Variants in GLCCI1 observed in about 807,000 individuals in gnomAD.
The protein encoded by GLCCI1 is glucocorticoid induced 1.
GLCCI1 carries 24 observed loss-of-function variants against 52.2 expected under a neutral mutation model. That is an observed-to-expected ratio of 0.46 (90% CI 0.33 to 0.65). The LOEUF is 0.65. Among genes scored for constraint, GLCCI1 ranks in the 30% least tolerant of loss-of-function variants. The probability of loss-of-function intolerance (pLI) is 0.02; values close to 1 mark genes in which losing one functional copy is unlikely to be tolerated. For synonymous variants in GLCCI1, 310 were observed against 276.5 expected (o/e 1.12, Z -1.20); for missense variants, 704 against 701.5 (o/e 1.00, Z -0.04).
At chr7:8,051,957 G>A (rs1782267443) in intron 3 of GLCCI1, among the ~76,000 whole-genome samples, 1 of 152,128 alleles carries the variant, frequency 6.6e-6, no homozygotes, top group Non-Finnish European at 1.5e-5. Flanking sequence ...TTTCAAAGAT[G>A]AAAAGAATTA....
At chr7:8,029,103 A>G (rs1243792480) in intron 3 of GLCCI1, among the ~76,000 whole-genome samples, 2 of 152,202 alleles carry the variant, frequency 1.3e-5, no homozygotes, top group African/African-American at 2.4e-5. Context: ...TCATTCTACA[A>G]GACTAGTATT....
At chr7:8,024,963 G>C (rs1287448049) in intron 3 of GLCCI1, 2 of 152,222 alleles carry the variant, frequency 1.3e-5, no homozygotes, top group African/African-American at 4.8e-5. Flanking sequence ...GAGAATTGTA[G>C]GTTAAAATAG....
chr7:8,066,080 C>G (rs1782624868), intron 5 of GLCCI1, among the ~76,000 whole-genome samples: 1 of 152,106 alleles, frequency 6.6e-6, no homozygotes, highest in Non-Finnish European at 1.5e-5. Flanking sequence ...ATTTCAGAAC[C>G]ATTATTGTTC....
At chr7:7,980,635 G>C in intron 1 of GLCCI1, 1 of 807,332 alleles carries the variant, frequency 1.2e-6, no homozygotes, top group Non-Finnish European at 2.1e-6. Flanking sequence ...TTTTGAGACA[G>C]AAAACGTCCC....
At chr7:8,070,708 T>G in intron 5 of GLCCI1, 1 of 516,608 alleles carries the variant, frequency 1.9e-6, no homozygotes, top group Non-Finnish European at 3.5e-6. Flanking sequence ...TATGGAATTT[T>G]TAAGGCAAAC....
At chr7:7,976,581 G>T (rs1780478388) in intron 1 of GLCCI1, among the ~76,000 whole-genome samples, 1 of 150,952 alleles carries the variant, frequency 6.6e-6, no homozygotes, top group African/African-American at 2.4e-5. Context: ...GTGTGGCAAG[G>T]TCAGTGTCCA....
At chr7:8,007,588 G>A (rs1228102993) in intron 2 of GLCCI1, among the ~76,000 whole-genome samples, 5 of 152,190 alleles carry the variant, frequency 3.3e-5, no homozygotes, top group South Asian at 4.1e-4. Context: ...GGCGACATCC[G>A]TTTCTCCTGG....
intron 4 of GLCCI1, 94 bp from the exon 5 acceptor site, chr7:8,060,002 T>C: frequency 9.5e-7 from 1 of 1,049,696 alleles, no homozygotes; most frequent in Non-Finnish European, 1.4e-6. Flanking sequence ...ATAACTCCGT[T>C]CATTGAGTTT....
intron 3 of GLCCI1, among the ~76,000 whole-genome samples, chr7:8,039,946 G>A (rs1357591000): frequency 1.3e-5 from 2 of 148,586 alleles, no homozygotes; most frequent in Non-Finnish European, 3.0e-5. Flanking sequence ...GCAGTGAGCC[G>A]AGATCATGCC....
Position 8,087,995 on chromosome 7 carries a change from T to G in GLCCI1, c.*1457T>G, listed in dbSNP as rs1783154312. 1 of 152,292 alleles carries G rather than the reference T, an allele frequency of 6.6e-6. No homozygotes were observed. The highest frequency in any genetic ancestry group is 2.4e-5 in the African/African-American group (1 of 41,458). The allele number at this position is 152,292 out of a possible 1,614,324, so 9.4% of individuals were successfully genotyped here. A position where few individuals can be genotyped will look rare whatever the true frequency, so the allele number is the denominator to read the frequency against. On this transcript the variant is annotated 3_prime_UTR_variant, in exon 8 of 8. Coordinates refer to ENST00000223145, the MANE Select transcript of GLCCI1 (RefSeq NM_138426.4). The stretch of plus-strand genomic sequence containing the variant: ...AAAGAGTATCCAAAAGCTAAGTTTT[T>G]GTATTCCACTACTTTCAGTTCAATA...
rs747042962 is a variant in GLCCI1 at position 8,086,179 on chromosome 7, T to C, written c.1299-14T>C. On this transcript the variant is annotated splice_polypyrimidine_tract_variant and intron_variant, in intron 7 of 7. Coordinates refer to ENST00000223145, the MANE Select transcript of GLCCI1 (RefSeq NM_138426.4). This position sits in a 1 kb window ranked among gnomAD's most constrained non-coding sequence, Gnocchi z 4.4. ...GTTCATGATTATAAATCTAATTTTG[T>C]TTTATGGTTTTAGGTCTCGTCAGCC... 128 of 1,574,388 alleles carry C rather than the reference T, an allele frequency of 8.1e-5. No homozygotes were observed. In the Admixed American group the frequency reaches 2.5e-3, roughly 30 times the overall value.
At chr7:8,068,400 T>C (rs1782680592) in intron 5 of GLCCI1, among the ~76,000 whole-genome samples, 1 of 152,214 alleles carries the variant, frequency 6.6e-6, no homozygotes. Context: ...GTCTTCAAGC[T>C]CTGAGATTCT....
At chr7:7,974,524 A>C (rs1249065494) in intron 1 of GLCCI1, among the ~76,000 whole-genome samples, 1 of 152,164 alleles carries the variant, frequency 6.6e-6, no homozygotes, top group Non-Finnish European at 1.5e-5. Context: ...TTGAAGGATA[A>C]TGGCGTCCTT....
intron 3 of GLCCI1, among the ~76,000 whole-genome samples, chr7:8,043,138 T>C (rs924223523): frequency 6.6e-6 from 1 of 152,228 alleles, no homozygotes; most frequent in Non-Finnish European, 1.5e-5. Flanking sequence ...AATTAAGGTA[T>C]GTATATTGTT....
chr7:8,006,929 C>G (rs141348044), intron 2 of GLCCI1, among the ~76,000 whole-genome samples: 1 of 152,164 alleles, frequency 6.6e-6, no homozygotes, highest in Non-Finnish European at 1.5e-5. Flanking sequence ...AAAGCAAGAA[C>G]CAGGGAATGG....
intron 3 of GLCCI1, among the ~76,000 whole-genome samples, chr7:8,036,823 G>A (rs1164385688): frequency 6.6e-6 from 1 of 152,082 alleles, no homozygotes; most frequent in African/African-American, 2.4e-5. Flanking sequence ...CATGAAGACA[G>A]GTCCTGCAAG....
intron 1 of GLCCI1, among the ~76,000 whole-genome samples, chr7:7,991,137 C>T (rs1583951638): frequency 6.6e-6 from 1 of 152,158 alleles, no homozygotes; most frequent in East Asian, 1.9e-4. Flanking sequence ...TAGGCCTTTC[C>T]CCTTCATCTC....
intron 3 of GLCCI1, among the ~76,000 whole-genome samples, chr7:8,046,209 A>G (rs1461246691): frequency 1.3e-5 from 2 of 152,316 alleles, no homozygotes; most frequent in African/African-American, 4.8e-5. Context: ...CACGTAGAAC[A>G]TAGAACAAAG....
chr7:8,079,643 C>T (rs939820103), intron 6 of GLCCI1, among the ~76,000 whole-genome samples: 6 of 151,454 alleles, frequency 4.0e-5, no homozygotes, highest in African/African-American at 1.5e-4. Flanking sequence ...AAGCACTGTA[C>T]TTATTTTGAC....
Sources: gnomAD v4.1 joint callset for allele counts (sites outside exome capture counted in the v4.1 genomes callset) on GRCh38, gnomAD v4.1.1 for gene constraint, Gnocchi (gnomAD v3.1) non-coding constraint, MANE v1.5 for transcripts, NCBI Gene and HGNC (gene_info 2026-07-23, HGNC 2026-07-21) for gene names.